The following PKNOX1 variants were observed in gnomAD, a reference collection of about 807,000 sequenced individuals.
PKNOX1 encodes the protein PBX/knotted 1 homeobox 1.
A neutral mutation model predicts 51.9 loss-of-function variants in PKNOX1; 15 were observed. The ratio of observed to expected loss-of-function variants is 0.29; its 90% CI spans 0.19 to 0.45. The LOEUF (loss-of-function observed/expected upper bound fraction) is 0.45, where lower values mean the gene tolerates loss of function less well. Ranked by LOEUF, PKNOX1 falls within the 20% of genes least tolerant of loss-of-function variation. PKNOX1 has a pLI of 1.00. For missense variants in PKNOX1, 462 were observed against 547.5 expected, an observed-to-expected ratio of 0.84 and a Z score of 1.56; for synonymous variants, 219 against 211.1, an observed-to-expected ratio of 1.04 and a Z score of -0.32.
intron 10 of PKNOX1, 183 bp downstream of exon 10, chr21:43,029,057 A>G (rs1210215285): frequency 1.6e-6 from 1 of 632,972 alleles, no homozygotes; most frequent in East Asian, 2.7e-5. Context: ...AGCTCTCAGT[A>G]AGAGTTAGGA....
intron 1 of PKNOX1, among the ~76,000 whole-genome samples, chr21:42,988,336 A>G (rs1356919879): frequency 6.6e-6 from 1 of 152,232 alleles, no homozygotes; most frequent in Non-Finnish European, 1.5e-5. Context: ...GGCGTGAGCC[A>G]CTGTGCCCGG....
At chr21:43,023,634 T>TA (rs1306500914) in intron 8 of PKNOX1, among the ~76,000 whole-genome samples, 7 of 151,714 alleles carry the variant, frequency 4.6e-5, no homozygotes, top group African/African-American at 9.7e-5. Flanking sequence ...ATTGGATTTT[T>TA]TTTTTTTATT....
intron 1 of PKNOX1, among the ~76,000 whole-genome samples, chr21:42,979,468 C>T (rs1394136426): frequency 2.6e-5 from 4 of 151,932 alleles, no homozygotes; most frequent in Non-Finnish European, 2.9e-5. Flanking sequence ...TATAGCCAGG[C>T]GCAGTGGCTG....
At chr21:42,975,068 C>G (rs2058985803) in intron 1 of PKNOX1, among the ~76,000 whole-genome samples, 1 of 141,126 alleles carries the variant, frequency 7.1e-6, no homozygotes, top group East Asian at 2.0e-4. Context: ...CGCGCGGAGC[C>G]CGGCGCGGGC....
intron 9 of PKNOX1, among the ~76,000 whole-genome samples, chr21:43,027,280 G>T (rs1178668789): frequency 6.6e-6 from 1 of 152,180 alleles, no homozygotes; most frequent in Non-Finnish European, 1.5e-5. Flanking sequence ...GGTAATGCAT[G>T]AATCTGGACG....
At chr21:43,003,404 TG>T (rs1978848788) in intron 1 of PKNOX1, among the ~76,000 whole-genome samples, 1 of 152,192 alleles carries the variant, frequency 6.6e-6, no homozygotes, top group African/African-American at 2.4e-5. Flanking sequence ...GCGCCACACT[TG>T]CCTGTCTTAT....
At chr21:43,023,100 C>T (rs1054384808) in intron 8 of PKNOX1, among the ~76,000 whole-genome samples, 2 of 151,958 alleles carry the variant, frequency 1.3e-5, no homozygotes, top group South Asian at 2.1e-4. Context: ...TTCTTGGCAG[C>T]GCCGACCCCC....
intron 1 of PKNOX1, among the ~76,000 whole-genome samples, chr21:42,994,427 T>C (rs374109813): frequency 8.7e-4 from 127 of 146,754 alleles, no homozygotes; most frequent in African/African-American, 3.0e-3. Context: ...TCCACCCACA[T>C]TGGCTTCCCA....
At position 42,974,608 on chromosome 21, in the gene PKNOX1, C is replaced by A. The variant is rs537138761; in HGVS notation, c.-113C>A. 6.5e-6 allele frequency: 1 copy of A among 152,856 alleles called. No homozygotes were observed. The highest frequency in any genetic ancestry group is 1.5e-5 in the Non-Finnish European group (1 of 68,216). The allele number at this position is 152,856 out of a possible 1,614,324, so 9.5% of individuals were successfully genotyped here. A position where few individuals can be genotyped will look rare whatever the true frequency, so the allele number is the denominator to read the frequency against. Reference sequence around the variant, plus strand: ...GCGTGACGGTTGGACGCGGGCGCGGCACTGCGGGTCCCGATTGCTGCAGCC... The same window carrying A: ...GCGTGACGGTTGGACGCGGGCGCGGAACTGCGGGTCCCGATTGCTGCAGCC... On this transcript the variant is annotated 5_prime_UTR_variant, in exon 1 of 11. Transcript: ENST00000291547.
intron 1 of PKNOX1, among the ~76,000 whole-genome samples, chr21:42,987,645 T>A (rs1392342688): frequency 7.3e-6 from 1 of 137,008 alleles, no homozygotes; most frequent in Non-Finnish European, 1.6e-5. Context: ...TGAGATGGAG[T>A]CTTCGCTCTT....
At chr21:42,985,189 G>A (rs1279563820) in intron 1 of PKNOX1, among the ~76,000 whole-genome samples, 2 of 151,864 alleles carry the variant, frequency 1.3e-5, no homozygotes, top group East Asian at 1.9e-4. Context: ...GTTTCACCAC[G>A]TTGGCCAGGC....
rs192540999 is a variant in PKNOX1 at position 42,997,304 on chromosome 21, C to T, written c.-56-7022C>T. Among the ~76,000 whole-genome samples, 23 of 152,318 alleles carry T rather than the reference C, an allele frequency of 1.5e-4. No individual in the cohort carries two copies. The East Asian group carries it at 4.2e-3, about 28-fold the overall frequency. ...AGTGCTATGCGTCAGCAGACGCTGC[C>T]TGTGTGGGGATGGAGGTTGGCTCAG... On this transcript the variant is annotated intron_variant, in intron 1 of 10. Transcript: ENST00000291547.
At chr21:43,008,061 T>TCACACACACACACACACA (rs56932866) in intron 3 of PKNOX1, among the ~76,000 whole-genome samples, 4 of 146,774 alleles carry the variant, frequency 2.7e-5, no homozygotes, top group African/African-American at 7.8e-5. Flanking sequence ...CAAAACTCTG[T>TCACACACACACACACACA]CACACACACA....
chr21:42,979,602 C>T (rs1395961082), intron 1 of PKNOX1, among the ~76,000 whole-genome samples: 3 of 152,210 alleles, frequency 2.0e-5, no homozygotes, highest in East Asian at 1.9e-4. Context: ...ATTAGCTGGG[C>T]GTAGTGGCGG....
intron 1 of PKNOX1, among the ~76,000 whole-genome samples, chr21:42,988,805 T>C (rs2059070187): frequency 6.6e-6 from 1 of 152,252 alleles, no homozygotes; most frequent in East Asian, 1.9e-4. Context: ...GCCTGGTCCC[T>C]GGGATACTGG....
rs1418203283 is a variant in PKNOX1, at chr21:43,033,101, T to A, written c.*3000T>A. On this transcript the variant is annotated 3_prime_UTR_variant, in exon 11 of 11. Coordinates refer to ENST00000291547, the MANE Select transcript of PKNOX1 (RefSeq NM_004571.5). ...AGACCCAAATTGAGCATGTTGCTGT[T>A]ATTCCTGCCCTGCACCTGTGGAGCA... 2.0e-5 allele frequency: 3 copies of A among 152,246 alleles called. No individual in the cohort carries two copies. The highest frequency in any genetic ancestry group is 2.0e-4 in the Admixed American group (3 of 15,276). 9.4% of individuals were successfully genotyped at this position (152,246 alleles called of 1,614,324 possible).
At chr21:42,983,438 AG>A (rs1465311588) in intron 1 of PKNOX1, among the ~76,000 whole-genome samples, 1 of 152,104 alleles carries the variant, frequency 6.6e-6, no homozygotes, top group Non-Finnish European at 1.5e-5. Context: ...AATGTCCTTA[AG>A]GTTCATCTAT....
chr21:43,018,476 A>ACC (rs1487627721), intron 7 of PKNOX1, among the ~76,000 whole-genome samples: 42 of 4,094 alleles, frequency 0.01, 18 homozygotes, highest in Non-Finnish European at 0.021. Context: ...CCTGCCACCC[A>ACC]CACACACACA....
chr21:43,013,385 G>C lies in PKNOX1; in HGVS notation c.522+147G>C, dbSNP rs146772482. 1.3e-3 allele frequency: 644 copies of C among 508,828 alleles called. 2 individuals carry two copies. The highest frequency in any genetic ancestry group is 0.012 in the African/African-American group (592 of 50,518). 31.5% of individuals were successfully genotyped at this position (508,828 alleles called of 1,614,324 possible). A position where few individuals can be genotyped will look rare whatever the true frequency, so the allele number is the denominator to read the frequency against. On this transcript the variant is annotated intron_variant, in intron 5 of 10. Coordinates refer to ENST00000291547, the MANE Select transcript of PKNOX1 (RefSeq NM_004571.5). ...CCCTCTAGGTCTCTGACCCCAGCCTGGTTTGGGAATGAACTCCCTCAGATT... is the reference window on the plus strand; with the variant it reads ...CCCTCTAGGTCTCTGACCCCAGCCTCGTTTGGGAATGAACTCCCTCAGATT...
Sources: allele counts gnomAD v4.1 joint callset (sites outside exome capture counted in the v4.1 genomes callset), GRCh38; gene constraint gnomAD v4.1.1; transcripts MANE v1.5; gene names NCBI Gene and HGNC (gene_info 2026-07-23, HGNC 2026-07-21).